ARHGAP15: variants seen among roughly 807,000 people sequenced by gnomAD.
ARHGAP15 encodes the protein Rho GTPase activating protein 15.
In ARHGAP15, 51 loss-of-function variants were observed where a neutral mutation model predicts 63.7. The ratio of observed to expected loss-of-function variants is 0.80; its 90% CI spans 0.64 to 1.01. The LOEUF is 1.01. Ranked by LOEUF, ARHGAP15 falls within the 50% of genes least tolerant of loss-of-function variation. The pLI is 0.00. For missense variants in ARHGAP15, 560 were observed against 564.6 expected (o/e 0.99, Z 0.08); for synonymous variants, 191 against 193.8 (o/e 0.99, Z 0.12).
At chr2:143,416,433 A>G (rs1002553008) in intron 6 of ARHGAP15, among the ~76,000 whole-genome samples, 1 of 152,184 alleles carries the variant, frequency 6.6e-6, no homozygotes, top group Non-Finnish European at 1.5e-5. Context: ...TTCTGTCCTC[A>G]TAGAGTTTGC....
At chr2:143,606,319 A>G (rs1698028490) in intron 11 of ARHGAP15, among the ~76,000 whole-genome samples, 1 of 152,150 alleles carries the variant, frequency 6.6e-6, no homozygotes, top group Non-Finnish European at 1.5e-5. Context: ...CTATCTTCTA[A>G]AATGTGGAGA....
intron 11 of ARHGAP15, among the ~76,000 whole-genome samples, chr2:143,600,373 C>G (rs1331140909): frequency 6.6e-6 from 1 of 152,118 alleles, no homozygotes; most frequent in African/African-American, 2.4e-5. Flanking sequence ...GAGTAAAACT[C>G]CCACTTGGAA....
chr2:143,435,251 G>A (rs1689558601), intron 6 of ARHGAP15: 1 of 997,152 alleles, frequency 1.0e-6, no homozygotes, highest in Non-Finnish European at 1.2e-6. Context: ...AATGAATTCT[G>A]ACACACCCGG....
chr2:143,224,004 C>T (rs1356065058), intron 4 of ARHGAP15, among the ~76,000 whole-genome samples: 3 of 152,188 alleles, frequency 2.0e-5, no homozygotes, highest in Non-Finnish European at 4.4e-5. Flanking sequence ...TTTTCCATCT[C>T]TTTTCAGCCC....
At chr2:143,474,204 TA>T (rs1424049877) in intron 8 of ARHGAP15, among the ~76,000 whole-genome samples, 2 of 152,024 alleles carry the variant, frequency 1.3e-5, no homozygotes, top group African/African-American at 4.8e-5. Context: ...CCCCAAATAA[TA>T]ATAATCTATT....
chr2:143,683,480 T>C (rs906311798), intron 12 of ARHGAP15, among the ~76,000 whole-genome samples: 1 of 152,152 alleles, frequency 6.6e-6, no homozygotes, highest in Non-Finnish European at 1.5e-5. Flanking sequence ...TTGCTTAAAT[T>C]TGTAATTAAC....
chr2:143,607,906 C>T (rs994152637), intron 11 of ARHGAP15: 4 of 152,170 alleles, frequency 2.6e-5, no homozygotes, highest in Non-Finnish European at 4.4e-5. Context: ...AATGCAGCTG[C>T]CATGTGCTTA....
chr2:143,697,391 A>G (rs1683897949), intron 12 of ARHGAP15, among the ~76,000 whole-genome samples: 1 of 152,198 alleles, frequency 6.6e-6, no homozygotes, highest in Admixed American at 6.6e-5. Context: ...CTATGTGTAC[A>G]TTTATGTGCA....
intron 3 of ARHGAP15, among the ~76,000 whole-genome samples, chr2:143,213,568 T>C (rs1389898770): frequency 6.6e-6 from 1 of 151,962 alleles, no homozygotes; most frequent in Non-Finnish European, 1.5e-5. Flanking sequence ...ATCTCAGAAG[T>C]GAGAATGTGT....
intron 3 of ARHGAP15, among the ~76,000 whole-genome samples, chr2:143,213,235 C>G (rs942869872): frequency 1.3e-5 from 2 of 152,066 alleles, no homozygotes. Context: ...ATGAAAGGGC[C>G]GGGTGCGGTG....
chr2:143,397,604 T>C (rs1274818035), intron 6 of ARHGAP15, among the ~76,000 whole-genome samples: 1 of 152,088 alleles, frequency 6.6e-6, no homozygotes, highest in East Asian at 1.9e-4. Flanking sequence ...GCATTTTTAC[T>C]TGCAGTCTTC....
At position 143,680,847 on chromosome 2, in the gene ARHGAP15, A is replaced by G. The variant is rs374240380; in HGVS notation, c.1139-22572A>G. ...TGAGTAATATTATCAATAAAAATCC[A>G]TGACTTCTCAGTTCACTCAAGAACT... On this transcript the variant is annotated intron_variant, in intron 12 of 13. Transcript: ENST00000295095. Among the ~76,000 whole-genome samples, 8 of 152,236 alleles carry G rather than the reference A, an allele frequency of 5.3e-5. No homozygotes were observed. In the East Asian group the frequency reaches 1.3e-3, roughly 26 times the overall value.
intron 6 of ARHGAP15, among the ~76,000 whole-genome samples, chr2:143,365,782 C>CAA: frequency 6.6e-6 from 1 of 152,210 alleles, no homozygotes; most frequent in East Asian, 1.9e-4. Flanking sequence ...TTGAAAGAAC[C>CAA]AACTCTGTGA....
At chr2:143,323,373 A>G (rs1360413558) in intron 6 of ARHGAP15, among the ~76,000 whole-genome samples, 2 of 152,182 alleles carry the variant, frequency 1.3e-5, no homozygotes, top group African/African-American at 4.8e-5. Context: ...AATCTTTAGG[A>G]TCTGATGAAG....
In ARHGAP15 at chr2:143,386,987, C is replaced by T. The variant is rs1321540039; in HGVS notation, c.475-48614C>T. Among the ~76,000 whole-genome samples, 3 of 152,046 alleles carry T rather than the reference C, an allele frequency of 2.0e-5. No homozygotes were observed. The East Asian group carries it at 5.8e-4, about 29-fold the overall frequency. The stretch of plus-strand genomic sequence containing the variant: ...CATGGATACAAAGAGAAACAACAGA[C>T]ACTGAGGCCTACTTGAGGGTGGAGG... On this transcript the variant is annotated intron_variant, in intron 6 of 13. Coordinates refer to ENST00000295095, the MANE Select transcript of ARHGAP15 (RefSeq NM_018460.4).
intron 6 of ARHGAP15, among the ~76,000 whole-genome samples, chr2:143,367,640 A>G (rs556648071): frequency 2.0e-5 from 3 of 151,938 alleles, no homozygotes; most frequent in Admixed American, 6.6e-5. Flanking sequence ...TTCTTCTTGT[A>G]ACCTCCATTT....
intron 6 of ARHGAP15, among the ~76,000 whole-genome samples, chr2:143,375,305 C>G (rs557775142): frequency 5.3e-5 from 8 of 152,286 alleles, no homozygotes; most frequent in Non-Finnish European, 1.2e-4. Flanking sequence ...CTCCCCTCCT[C>G]TCTTCACCTC....
intron 9 of ARHGAP15, among the ~76,000 whole-genome samples, chr2:143,501,642 C>T (rs1226257529): frequency 6.6e-6 from 1 of 152,064 alleles, no homozygotes; most frequent in Admixed American, 6.6e-5. Flanking sequence ...CCTTTTTAGT[C>T]AGAAAGATCA....
intron 4 of ARHGAP15, among the ~76,000 whole-genome samples, chr2:143,224,221 A>T (rs1313413843): frequency 6.6e-6 from 1 of 152,214 alleles, no homozygotes; most frequent in Non-Finnish European, 1.5e-5. Context: ...CTATATCAGA[A>T]GTGTTCGATA....
Sources: allele counts gnomAD v4.1 joint callset (sites outside exome capture counted in the v4.1 genomes callset), GRCh38; gene constraint gnomAD v4.1.1; transcripts MANE v1.5; gene names NCBI Gene and HGNC (gene_info 2026-07-23, HGNC 2026-07-21).